XXYLT1: variants seen among roughly 807,000 people sequenced by gnomAD.
The protein encoded by XXYLT1 is UDP-xylose:alpha-xyloside alpha-1,3-xylosyltransferase.
Under a neutral mutation model 28.9 loss-of-function variants are expected in XXYLT1, and 20 were observed. The ratio of observed to expected loss-of-function variants is 0.69; its 90% CI spans 0.49 to 1.00. The LOEUF is 1.00. Ranked by LOEUF, XXYLT1 falls within the 50% of genes least tolerant of loss-of-function variation. The pLI is 0.00. For synonymous variants in XXYLT1, 257 were observed against 253.8 expected (o/e 1.01, Z -0.12); for missense variants, 542 against 560.1 (o/e 0.97, Z 0.33).
chr3:195,217,095 T>C (rs1723612086), intron 2 of XXYLT1, among the ~76,000 whole-genome samples: 3 of 135,860 alleles, frequency 2.2e-5, no homozygotes, highest in African/African-American at 1.0e-4. Context: ...AGAAAAAGCC[T>C]TTGATAAAAT....
At chr3:195,080,631 C>T (rs186823464) in intron 3 of XXYLT1, among the ~76,000 whole-genome samples, 15 of 152,356 alleles carry the variant, frequency 9.8e-5, no homozygotes, top group Admixed American at 9.1e-4. Context: ...TCCCCGACAG[C>T]CTCATGGCGC....
At chr3:195,104,911 G>A (rs1039113103) in intron 3 of XXYLT1, among the ~76,000 whole-genome samples, 16 of 152,246 alleles carry the variant, frequency 1.1e-4, no homozygotes, top group African/African-American at 2.6e-4. Flanking sequence ...TCTTTGATTC[G>A]CAAGTCTAGC....
At chr3:195,269,663 A>G (rs1261943046) in intron 1 of XXYLT1, among the ~76,000 whole-genome samples, 1 of 151,892 alleles carries the variant, frequency 6.6e-6, no homozygotes, top group Non-Finnish European at 1.5e-5. Context: ...ACATAATACA[A>G]CTCCTGTCTC....
chr3:195,150,833 CGCACA>C lies in XXYLT1; in HGVS notation c.785+5611_785+5615del, dbSNP rs1560121770. On this transcript the variant is annotated intron_variant, in intron 3 of 3. Transcript: ENST00000310380. The surrounding 1 kb of genome is among the most constrained non-coding windows in gnomAD (Gnocchi z 4.7). ...TCACATACACACACACTCACACATA[CGCACA>C]CTCTCTCACACACTCTCACACACAC... Among the ~76,000 whole-genome samples, 2 of 133,002 alleles carry C rather than the reference CGCACA, an allele frequency of 1.5e-5. 1 individual carries two copies. Among genetic ancestry groups the C allele is most frequent in the African/African-American group, 5.4e-5 (2 of 37,344 alleles). 87.3% of individuals were successfully genotyped at this position (133,002 alleles called of 152,430 possible). A position where few individuals can be genotyped will look rare whatever the true frequency, so the allele number is the denominator to read the frequency against.
chr3:195,211,978 GA>G (rs1202612211), intron 2 of XXYLT1, among the ~76,000 whole-genome samples: 3 of 144,022 alleles, frequency 2.1e-5, no homozygotes, highest in African/African-American at 8.1e-5. Flanking sequence ...TGGAGGAGGA[GA>G]GGGGGCAAGC....
intron 1 of XXYLT1, among the ~76,000 whole-genome samples, chr3:195,254,001 A>C (rs538126231): frequency 6.6e-6 from 1 of 152,314 alleles, no homozygotes; most frequent in South Asian, 2.1e-4. Flanking sequence ...CGGACAAGTC[A>C]CGGGGGTGCC....
chr3:195,096,184 T>C (rs1361560978), intron 3 of XXYLT1: 1 of 152,174 alleles, frequency 6.6e-6, no homozygotes, highest in African/African-American at 2.4e-5. Context: ...AAGTACACTG[T>C]CTCAACATAC....
At chr3:195,148,762 T>C (rs758000293) in intron 3 of XXYLT1, among the ~76,000 whole-genome samples, 1 of 152,226 alleles carries the variant, frequency 6.6e-6, no homozygotes, top group Non-Finnish European at 1.5e-5. Context: ...TACCAACTGA[T>C]TTCAGACTGA....
At position 195,168,239 on chromosome 3, in the gene XXYLT1, C is replaced by T. The variant is rs968881526; in HGVS notation, c.653-11658G>A. ...TCTGAGACTCCTCCCAGCCCTACCA[C>T]CCTGTGATTCTGAACAGGAATGGTC... On this transcript the variant is annotated intron_variant, in intron 2 of 3. Coordinates refer to ENST00000310380, the MANE Select transcript of XXYLT1 (RefSeq NM_152531.5). The surrounding 1 kb of genome is among the most constrained non-coding windows in gnomAD (Gnocchi z 4.3). 6.6e-6 allele frequency among the ~76,000 whole-genome samples: 1 copy of T among 152,168 alleles called. No homozygotes were observed. The highest frequency in any genetic ancestry group is 2.1e-4 in the South Asian group (1 of 4,830).
chr3:195,199,460 A>C (rs1194735704), intron 2 of XXYLT1, among the ~76,000 whole-genome samples: 2 of 152,118 alleles, frequency 1.3e-5, no homozygotes, highest in Admixed American at 1.3e-4. Flanking sequence ...AAATACAAAA[A>C]ATTAGCCAGG....
At chr3:195,270,039 G>A in intron 1 of XXYLT1, 1 of 198,448 alleles carries the variant, frequency 5.0e-6, no homozygotes, top group South Asian at 5.7e-5. Flanking sequence ...GGGACACAGA[G>A]AGGAGATAAG....
rs1323210713 is a variant in XXYLT1 at position 195,257,555 on chromosome 3, G to A, written c.504+13000C>T. On this transcript the variant is annotated intron_variant, in intron 1 of 3. Coordinates refer to ENST00000310380, the MANE Select transcript of XXYLT1 (RefSeq NM_152531.5). This position sits in a 1 kb window ranked among gnomAD's most constrained non-coding sequence, Gnocchi z 4.3. ...AAAGTCCCAGAGATGGGAAGTGGCC[G>A]GGGTACACCACAACCCCAGGCAGTC... Among the ~76,000 whole-genome samples, 2 of 152,174 alleles carry A rather than the reference G, an allele frequency of 1.3e-5. No homozygotes were observed. The highest frequency in any genetic ancestry group is 4.8e-5 in the African/African-American group (2 of 41,436).
intron 3 of XXYLT1, chr3:195,093,682 A>G (rs1222855388): frequency 1.3e-5 from 2 of 149,234 alleles, no homozygotes; most frequent in African/African-American, 5.0e-5. Context: ...AAGTATAATA[A>G]AAAAATAAAA....
At chr3:195,228,472 T>G (rs1724152388) in intron 1 of XXYLT1, among the ~76,000 whole-genome samples, 1 of 151,164 alleles carries the variant, frequency 6.6e-6, no homozygotes, top group Admixed American at 6.6e-5. Context: ...GTTCTGCTTT[T>G]GGCCTATATT....
At chr3:195,174,201 G>T (rs1366602086) in intron 2 of XXYLT1, among the ~76,000 whole-genome samples, 1 of 152,198 alleles carries the variant, frequency 6.6e-6, no homozygotes, top group Non-Finnish European at 1.5e-5. Context: ...TTTGTCTAGA[G>T]CCTCAAAAGA....
chr3:195,093,542 AG>A (rs1367229998), intron 3 of XXYLT1, among the ~76,000 whole-genome samples: 2 of 94,960 alleles, frequency 2.1e-5, no homozygotes, highest in African/African-American at 8.3e-5. Context: ...GGGTGGTGGG[AG>A]GGGGGAGGGA....
At chr3:195,190,493 C>CA (rs57722997) in intron 2 of XXYLT1, among the ~76,000 whole-genome samples, 1,401 of 34,648 alleles carry the variant, frequency 0.04, 92 homozygotes, top group Non-Finnish European at 0.079. Flanking sequence ...GACTCTGTCT[C>CA]AAAAAAAAAA....
At chr3:195,084,591 T>C (rs1715620520) in intron 3 of XXYLT1, among the ~76,000 whole-genome samples, 1 of 152,218 alleles carries the variant, frequency 6.6e-6, no homozygotes, top group African/African-American at 2.4e-5. Flanking sequence ...CGTACTCTTT[T>C]CAGAGGTCCA....
chr3:195,088,196 G>A (rs1418985468), intron 3 of XXYLT1, among the ~76,000 whole-genome samples: 2 of 151,622 alleles, frequency 1.3e-5, no homozygotes, highest in Non-Finnish European at 2.9e-5. Flanking sequence ...GCTCAAGGAG[G>A]CCTGCCTGCC....
Sources: gnomAD v4.1 joint callset for allele counts (sites outside exome capture counted in the v4.1 genomes callset) on GRCh38, gnomAD v4.1.1 for gene constraint, Gnocchi (gnomAD v3.1) non-coding constraint, MANE v1.5 for transcripts, NCBI Gene and HGNC (gene_info 2026-07-23, HGNC 2026-07-21) for gene names.